The following EFNA2 variants were observed in gnomAD, a reference collection of about 807,000 sequenced individuals.
EFNA2 encodes ephrin-A2.
Under a neutral mutation model 19.7 loss-of-function variants are expected in EFNA2, and 18 were observed. The observed-to-expected ratio is 0.91, with a 90% CI of 0.63 to 1.35. The LOEUF is 1.35. Among genes scored for constraint, EFNA2 ranks in the 40% most tolerant of loss-of-function variants. The probability of loss-of-function intolerance (pLI) is 0.00; values close to 1 mark genes in which losing one functional copy is unlikely to be tolerated. For missense variants in EFNA2, 303 were observed against 296.0 expected (o/e 1.02, Z -0.17); for synonymous variants, 187 against 137.8 (o/e 1.36, Z -2.50).
Position 1,301,022 on chromosome 19 carries a change from C to T in EFNA2, c.*1077C>T, listed in dbSNP as rs2144628808. 6.7e-6 allele frequency among the ~76,000 whole-genome samples: 1 copy of T among 150,016 alleles called. No homozygotes were observed. The highest frequency in any genetic ancestry group is 2.0e-4 in the East Asian group (1 of 5,078). ...TAGAAGCTGCACTTGGCAATAAGCT[C>T]GTGTCGTCTGTCAGAGCCCCTCTCT... On this transcript the variant is annotated 3_prime_UTR_variant, in exon 4 of 4. Coordinates refer to ENST00000215368, the MANE Select transcript of EFNA2 (RefSeq NM_001405.4).
chr19:1,286,647 T>TG lies in EFNA2; in HGVS notation c.140+345dup. On this transcript the variant is annotated intron_variant, in intron 1 of 3. Transcript: ENST00000215368. The surrounding 1 kb of genome is among the most constrained non-coding windows in gnomAD (Gnocchi z 5.6). ...AGCCCCTGAGTTGCCTGCCTGGACT[T>TG]GGGGGGACCCCTGATCCACCCGCTT... Among the ~76,000 whole-genome samples, 1 of 152,186 alleles carries TG rather than the reference T, an allele frequency of 6.6e-6. No homozygotes were observed. Among genetic ancestry groups the TG allele is most frequent in the East Asian group, 1.9e-4 (1 of 5,156 alleles).
chr19:1,292,238 A>G (rs1420794439), intron 1 of EFNA2, among the ~76,000 whole-genome samples: 1 of 152,332 alleles, frequency 6.6e-6, no homozygotes, highest in East Asian at 1.9e-4. Flanking sequence ...GGGAATGCCA[A>G]CACAGCAAGG....
chr19:1,296,903 T>G lies in EFNA2; in HGVS notation c.454+1045T>G, dbSNP rs1182313251. On this transcript the variant is annotated intron_variant, in intron 2 of 3. Coordinates refer to ENST00000215368, the MANE Select transcript of EFNA2 (RefSeq NM_001405.4). This position sits in a 1 kb window ranked among gnomAD's most constrained non-coding sequence, Gnocchi z 4.4. ...CAGGCTGAGGGAGGCTGCCAGTCCCTGCTGCTTATCGGAGGTCCGAAGCTG... is the reference window on the plus strand; with the variant it reads ...CAGGCTGAGGGAGGCTGCCAGTCCCGGCTGCTTATCGGAGGTCCGAAGCTG... 6.6e-6 allele frequency among the ~76,000 whole-genome samples: 1 copy of G among 152,230 alleles called. No individual in the cohort carries two copies. The highest frequency in any genetic ancestry group is 2.4e-5 in the African/African-American group (1 of 41,450).
intron 1 of EFNA2, among the ~76,000 whole-genome samples, chr19:1,290,697 T>G (rs1354635946): frequency 6.6e-6 from 1 of 152,140 alleles, no homozygotes; most frequent in East Asian, 1.9e-4. Flanking sequence ...GTCCTGTGTG[T>G]GGGACCAGCC....
intron 1 of EFNA2, among the ~76,000 whole-genome samples, chr19:1,290,833 G>A (rs1381694929): frequency 1.3e-5 from 2 of 152,218 alleles, no homozygotes; most frequent in South Asian, 2.1e-4. Context: ...CTGCGGAGGA[G>A]CAGACGAGCC....
rs1452004452 is a variant in EFNA2 at position 1,299,807 on chromosome 19, G to T, written c.521-17G>T. On this transcript the variant is annotated splice_polypyrimidine_tract_variant and intron_variant, in intron 3 of 3. Transcript: ENST00000215368. Reference sequence around the variant, plus strand: ...GGTTCGGGCGGCCGCTGAGCGTGCTGTCTCTGCCACCCGCAGACGAGACCC... The same window carrying T: ...GGTTCGGGCGGCCGCTGAGCGTGCTTTCTCTGCCACCCGCAGACGAGACCC... The T allele has an allele frequency of 6.3e-7, 1 of 1,591,828 alleles. No homozygotes were observed. The highest frequency in any genetic ancestry group is 8.5e-7 in the Non-Finnish European group (1 of 1,173,132).
At chr19:1,284,289 G>A (rs1600050788), upstream of EFNA2, among the ~76,000 whole-genome samples, 2 of 152,362 alleles carry the variant, frequency 1.3e-5, no homozygotes, top group Admixed American at 6.5e-5. The surrounding 1 kb of genome is among the most constrained non-coding windows in gnomAD (Gnocchi z 5.3). Flanking sequence ...GCCTGCCTCA[G>A]CCACCACCTG....
rs973828910 is a variant in EFNA2 at position 1,298,557 on chromosome 19, C to T, written c.461C>T (p.Thr154Met). ...PGHEYYYISA[T>M]PPNAVDRPCL... Reference sequence around the variant, plus strand: ...CCCATCCCCTCTCTTCTAGCTGCCACGCCTCCCAATGCTGTGGACCGGCCC... The same window carrying T: ...CCCATCCCCTCTCTTCTAGCTGCCATGCCTCCCAATGCTGTGGACCGGCCC... Residue 154 changes from threonine (T) to methionine (M), a missense_variant, in exon 3 of 4, where the codon ACG becomes ATG. Coordinates refer to ENST00000215368, the MANE Select transcript of EFNA2 (RefSeq NM_001405.4). 9 of 1,613,838 alleles carry T rather than the reference C, an allele frequency of 5.6e-6. No individual in the cohort carries two copies. The highest frequency in any genetic ancestry group is 1.3e-5 in the African/African-American group (1 of 74,910).
chr19:1,290,836 G>A (rs902452091), intron 1 of EFNA2, among the ~76,000 whole-genome samples: 5 of 152,210 alleles, frequency 3.3e-5, no homozygotes, highest in Admixed American at 3.3e-4. Flanking sequence ...CGGAGGAGCA[G>A]ACGAGCCGGC....
At chr19:1,284,708 A>T (rs2081455336), upstream of EFNA2, among the ~76,000 whole-genome samples, 1 of 152,156 alleles carries the variant, frequency 6.6e-6, no homozygotes, top group South Asian at 2.1e-4. This position sits in a 1 kb window ranked among gnomAD's most constrained non-coding sequence, Gnocchi z 5.3. Flanking sequence ...TAGCTTGCCC[A>T]TCTCTGGGTT....
chr19:1,291,276 C>A (rs554084315), intron 1 of EFNA2, among the ~76,000 whole-genome samples: 133 of 152,324 alleles, frequency 8.7e-4, no homozygotes, highest in African/African-American at 3.1e-3. Flanking sequence ...TATTTTGCTT[C>A]ATTTCTAGGG....
intron 1 of EFNA2, among the ~76,000 whole-genome samples, chr19:1,290,690 C>CTG (rs2081487288): frequency 6.6e-6 from 1 of 152,196 alleles, no homozygotes; most frequent in Non-Finnish European, 1.5e-5. Context: ...CCCCTCAGTC[C>CTG]TGTGTGTGGG....
chr19:1,290,660 C>T (rs889608219), intron 1 of EFNA2, among the ~76,000 whole-genome samples: 4 of 152,150 alleles, frequency 2.6e-5, no homozygotes, highest in African/African-American at 9.7e-5. Flanking sequence ...CCCCAGGAAC[C>T]GGGATGCAGC....
chr19:1,291,514 C>A (rs575018988), intron 1 of EFNA2, among the ~76,000 whole-genome samples: 2 of 151,948 alleles, frequency 1.3e-5, no homozygotes, highest in African/African-American at 4.8e-5. Context: ...AGGGGACGGG[C>A]GGCCTCAGCC....
upstream of EFNA2, among the ~76,000 whole-genome samples, chr19:1,285,757 T>TGGGCCG (rs1228461643): frequency 7.0e-6 from 1 of 142,596 alleles, no homozygotes; most frequent in Non-Finnish European, 1.5e-5. The surrounding 1 kb of genome is among the most constrained non-coding windows in gnomAD (Gnocchi z 4.1). Context: ...TGAGACGGGG[T>TGGGCCG]GGGCCGGGGC....
At chr19:1,284,927 G>A (rs1271091165), upstream of EFNA2, among the ~76,000 whole-genome samples, 2 of 152,192 alleles carry the variant, frequency 1.3e-5, no homozygotes, top group East Asian at 1.9e-4. This position sits in a 1 kb window ranked among gnomAD's most constrained non-coding sequence, Gnocchi z 5.3. Flanking sequence ...AGTCTGGTGA[G>A]GGAGGCTGTG....
Position 1,295,419 on chromosome 19 carries a change from C to A in EFNA2, c.141-126C>A. 2.0e-6 allele frequency: 2 copies of A among 1,008,158 alleles called. No individual in the cohort carries two copies. The highest frequency in any genetic ancestry group is 2.8e-6 in the Non-Finnish European group (2 of 724,504). The allele number at this position is 1,008,158 out of a possible 1,614,324, so 62.5% of individuals were successfully genotyped here. On this transcript the variant is annotated intron_variant, in intron 1 of 3. Transcript: ENST00000215368. This position sits in a 1 kb window ranked among gnomAD's most constrained non-coding sequence, Gnocchi z 5.8. ...CCGTCCCCCGTGCTCCTGACCCCGGCCCTCGCCGCGCACCCCGACCCGTCC... is the reference window on the plus strand; with the variant it reads ...CCGTCCCCCGTGCTCCTGACCCCGGACCTCGCCGCGCACCCCGACCCGTCC...
Position 1,286,236 on chromosome 19 carries a change from T to TCGCGCGCGCCGAGGACGC in EFNA2, c.72_89dup (p.Glu27_Ala32dup), listed in dbSNP as rs2081463632. The stretch of plus-strand genomic sequence containing the variant: ...CTGTTACCGCTGCCGCCGCCGCCCT[T>TCGCGCGCGCCGAGGACGC]CGCGCGCGCCGAGGACGCCGCCCGC... On this transcript the variant is annotated inframe_insertion, in exon 1 of 4. Coordinates refer to ENST00000215368, the MANE Select transcript of EFNA2 (RefSeq NM_001405.4). This position sits in a 1 kb window ranked among gnomAD's most constrained non-coding sequence, Gnocchi z 5.6. The TCGCGCGCGCCGAGGACGC allele has an allele frequency of 8.9e-7, 1 of 1,124,920 alleles. No homozygotes were observed. The highest frequency in any genetic ancestry group is 2.0e-5 in the South Asian group (1 of 51,240). 69.7% of individuals were successfully genotyped at this position (1,124,920 alleles called of 1,614,324 possible).
chr19:1,298,883 T>C (rs1316889957), intron 3 of EFNA2, among the ~76,000 whole-genome samples: 1 of 152,180 alleles, frequency 6.6e-6, no homozygotes, highest in Non-Finnish European at 1.5e-5. Context: ...AGGCCGAGGC[T>C]GCAGTGAGCA....
Sources: gnomAD v4.1 joint callset for allele counts (sites outside exome capture counted in the v4.1 genomes callset) on GRCh38, gnomAD v4.1.1 for gene constraint, Gnocchi (gnomAD v3.1) non-coding constraint, MANE v1.5 for transcripts, NCBI Gene and HGNC (gene_info 2026-07-23, HGNC 2026-07-21) for gene names.